The following ASIC2 variants were observed in gnomAD, a reference collection of about 807,000 sequenced individuals.
ASIC2 encodes the protein acid sensing ion channel subunit 2.
Under a neutral mutation model 57.3 loss-of-function variants are expected in ASIC2, and 25 were observed. The ratio of observed to expected loss-of-function variants is 0.44; its 90% CI spans 0.32 to 0.61. The LOEUF is 0.61. Ranked by LOEUF, ASIC2 falls within the 20% of genes least tolerant of loss-of-function variation. ASIC2 has a pLI of 0.06. For synonymous variants in ASIC2, 319 were observed against 307.5 expected, an observed-to-expected ratio of 1.04 and a Z score of -0.39; for missense variants, 641 against 738.1, an observed-to-expected ratio of 0.87 and a Z score of 1.52.
intron 1 of ASIC2, among the ~76,000 whole-genome samples, chr17:33,193,504 T>G (rs554588551): frequency 6.6e-6 from 1 of 152,304 alleles, no homozygotes; most frequent in Admixed American, 6.5e-5. Flanking sequence ...AGCTTCTCTG[T>G]TGGAGGCCTG....
At chr17:33,725,732 C>T (rs201844227) in intron 1 of ASIC2, among the ~76,000 whole-genome samples, 45 of 110,106 alleles carry the variant, frequency 4.1e-4, no homozygotes, top group African/African-American at 1.4e-3. Context: ...CCCCCCCCCC[C>T]TTTTTTTATG....
chr17:33,806,697 T>C (rs1402476801), intron 1 of ASIC2, among the ~76,000 whole-genome samples: 1 of 152,202 alleles, frequency 6.6e-6, no homozygotes, highest in Non-Finnish European at 1.5e-5. Context: ...CAGGGTTTTC[T>C]GGTTTCCCTG....
rs923976887 is a variant in ASIC2 at position 33,509,614 on chromosome 17, A to G, written c.556-397547T>C. 2.6e-5 allele frequency among the ~76,000 whole-genome samples: 4 copies of G among 152,342 alleles called. No individual in the cohort carries two copies. The East Asian group carries it at 5.8e-4, about 22-fold the overall frequency. ...CCTGCTGCAGTTGTGTTTATCATTC[A>G]TCAGAGAAGAGAAGCAACCTGCCAG... On this transcript the variant is annotated intron_variant, in intron 1 of 9. Coordinates refer to the ASIC2 transcript ENST00000359872.
At chr17:33,596,557 G>A (rs1904983869) in intron 1 of ASIC2, among the ~76,000 whole-genome samples, 1 of 152,114 alleles carries the variant, frequency 6.6e-6, no homozygotes, top group South Asian at 2.1e-4. Flanking sequence ...CAAAGTATCA[G>A]CGCCCCCGGC....
At chr17:33,728,586 G>A (rs6505375) in intron 1 of ASIC2, among the ~76,000 whole-genome samples, 92,925 of 151,950 alleles carry the variant, frequency 0.61, 29,590 homozygotes, top group African/African-American at 0.8. Context: ...GGGCATACCT[G>A]TAATTTAAAC....
chr17:33,165,785 T>C (rs1905288691), intron 1 of ASIC2, among the ~76,000 whole-genome samples: 1 of 152,102 alleles, frequency 6.6e-6, no homozygotes. Flanking sequence ...AGGTAAATGG[T>C]AATGGAGGAT....
chr17:33,527,206 G>A lies in ASIC2; in HGVS notation c.556-415139C>T, dbSNP rs748532193. On this transcript the variant is annotated intron_variant, in intron 1 of 9. Coordinates refer to the ASIC2 transcript ENST00000359872. ...CCAGGGAGGAGGAGATGGACAGTAGGGTGCACTGTCCAGTGGGCAGATCTA... is the reference window on the plus strand; with the variant it reads ...CCAGGGAGGAGGAGATGGACAGTAGAGTGCACTGTCCAGTGGGCAGATCTA... Among the ~76,000 whole-genome samples, 12 of 152,260 alleles carry A rather than the reference G, an allele frequency of 7.9e-5. No homozygotes were observed. In the East Asian group the frequency reaches 2.3e-3, roughly 29 times the overall value.
At chr17:33,900,760 A>G (rs1369072431) in intron 1 of ASIC2, among the ~76,000 whole-genome samples, 1 of 152,168 alleles carries the variant, frequency 6.6e-6, no homozygotes, top group Non-Finnish European at 1.5e-5. Flanking sequence ...GAGGGTATCT[A>G]GGGAAGAGGG....
chr17:33,246,029 T>TAAAA (rs35562770), intron 1 of ASIC2, among the ~76,000 whole-genome samples: 2 of 145,324 alleles, frequency 1.4e-5, no homozygotes, highest in East Asian at 2.0e-4. Context: ...TACCTCTACT[T>TAAAA]AAAAAAAAAA....
intron 1 of ASIC2, among the ~76,000 whole-genome samples, chr17:33,971,163 C>T (rs531366509): frequency 6.6e-6 from 1 of 152,308 alleles, no homozygotes; most frequent in East Asian, 1.9e-4. Flanking sequence ...AATACAGAAG[C>T]CGGCTGAGCA....
intron 1 of ASIC2, among the ~76,000 whole-genome samples, chr17:33,750,361 G>A (rs1300035139): frequency 6.7e-6 from 1 of 149,552 alleles, no homozygotes; most frequent in Non-Finnish European, 1.5e-5. Context: ...AGGTTTGGTA[G>A]ACTGATGAAG....
At position 33,157,105 on chromosome 17, in the gene ASIC2, C is replaced by T. The variant is rs183870299; in HGVS notation, c.709-45038G>A. 8.5e-5 allele frequency among the ~76,000 whole-genome samples: 13 copies of T among 152,150 alleles called. No individual in the cohort carries two copies. The East Asian group carries it at 1.5e-3, about 18-fold the overall frequency. ...ACTGCAACTAACTCATGAGATGGCACGTGGTCAAGGCAAAAAAACCCCCAG... is the reference window on the plus strand; with the variant it reads ...ACTGCAACTAACTCATGAGATGGCATGTGGTCAAGGCAAAAAAACCCCCAG... On this transcript the variant is annotated intron_variant, in intron 1 of 9. Transcript: ENST00000225823.
intron 1 of ASIC2, among the ~76,000 whole-genome samples, chr17:33,726,917 AT>A (rs1909579896): frequency 6.6e-6 from 1 of 152,236 alleles, no homozygotes; most frequent in African/African-American, 2.4e-5. Flanking sequence ...TGTACCAAAA[AT>A]TTTTGGTAGA....
chr17:33,914,233 G>A (rs1220468163), intron 1 of ASIC2, among the ~76,000 whole-genome samples: 1 of 152,178 alleles, frequency 6.6e-6, no homozygotes, highest in Non-Finnish European at 1.5e-5. Context: ...GGGCAGGTGA[G>A]AATTTACTGG....
At chr17:33,586,309 G>T (rs1341333593) in intron 1 of ASIC2, among the ~76,000 whole-genome samples, 1 of 152,088 alleles carries the variant, frequency 6.6e-6, no homozygotes, top group Admixed American at 6.5e-5. Context: ...AGGGGGGCAG[G>T]GGGACCTATT....
intron 1 of ASIC2, among the ~76,000 whole-genome samples, chr17:33,146,888 G>T (rs1904585121): frequency 6.6e-6 from 1 of 152,210 alleles, no homozygotes. Context: ...CATTCTCAGG[G>T]GGGAAATCAG....
chr17:33,529,624 G>A (rs1014601336), intron 1 of ASIC2, among the ~76,000 whole-genome samples: 2 of 152,192 alleles, frequency 1.3e-5, no homozygotes, highest in African/African-American at 2.4e-5. Context: ...CTGAAACTCA[G>A]TTTCACTGTA....
At chr17:33,678,226 TTAG>T in intron 1 of ASIC2, among the ~76,000 whole-genome samples, 1 of 152,184 alleles carries the variant, frequency 6.6e-6, no homozygotes, top group Non-Finnish European at 1.5e-5. Context: ...TATTGCACAC[TTAG>T]TAGACCACAG....
intron 1 of ASIC2, among the ~76,000 whole-genome samples, chr17:33,930,303 G>T (rs546766787): frequency 6.6e-6 from 1 of 152,312 alleles, no homozygotes; most frequent in African/African-American, 2.4e-5. Context: ...GGCCTCAAAG[G>T]CCGTATATTT....
Sources: allele counts gnomAD v4.1 joint callset (sites outside exome capture counted in the v4.1 genomes callset), GRCh38; gene constraint gnomAD v4.1.1; transcripts MANE v1.5; gene names NCBI Gene and HGNC (gene_info 2026-07-23, HGNC 2026-07-21).